L3MBTL3: variants seen among roughly 807,000 people sequenced by gnomAD.
L3MBTL3 encodes the protein lethal(3)malignant brain tumor-like protein 3.
L3MBTL3 carries 27 observed loss-of-function variants against 102.3 expected under a neutral mutation model. The ratio of observed to expected loss-of-function variants is 0.26; its 90% confidence interval spans 0.19 to 0.36. L3MBTL3 has a LOEUF of 0.36. Among genes scored for constraint, L3MBTL3 ranks in the 10% least tolerant of loss-of-function variants. The pLI, the probability that L3MBTL3 is intolerant of heterozygous loss-of-function variation, is 1.00. For missense variants in L3MBTL3, 798 were observed against 955.3 expected (o/e 0.84, Z 2.17); for synonymous variants, 340 against 320.9 (o/e 1.06, Z -0.64).
chr6:130,045,439 C>A (rs1024525804), intron 3 of L3MBTL3, among the ~76,000 whole-genome samples: 1 of 152,208 alleles, frequency 6.6e-6, no homozygotes, highest in South Asian at 2.1e-4. Flanking sequence ...GCTGAACACT[C>A]TACCTGCATC....
In L3MBTL3 at chr6:130,086,197, C is replaced by T. The variant is rs370195277; in HGVS notation, c.1465C>T (p.Pro489Ser). Reference protein sequence around the residue: ...MKLEVVDKRNPMFIRVATVAD... With the variant: ...MKLEVVDKRNSMFIRVATVAD... ...GCTTGAGGTTGTAGACAAAAGGAAC[C>T]CTATGTTTATTAGAGTAGCAACTGT... The change falls in exon 16 of 23, where the codon CCT becomes TCT. Residue 489 changes from proline (P) to serine (S), a missense_variant. Pro to Ser is a moderately conservative substitution (Grantham distance 74). Around this residue, in one of 4 missense-constraint regions of L3MBTL3, gnomAD observed 306 missense variants for 314.4 expected, o/e 0.97. Transcript: ENST00000361794. The T allele has an allele frequency of 5.5e-5, 89 of 1,613,288 alleles. No individual in the cohort carries two copies. The highest frequency in any genetic ancestry group is 7.5e-5 in the Non-Finnish European group (88 of 1,179,740).
chr6:130,084,791 C>T (rs1783575573), intron 15 of L3MBTL3, among the ~76,000 whole-genome samples: 1 of 152,146 alleles, frequency 6.6e-6, no homozygotes, highest in East Asian at 1.9e-4. Context: ...GCATTGACTG[C>T]TCTGTGTTAT....
Position 130,052,911 on chromosome 6 carries a change from A to C in L3MBTL3, c.502A>C (p.Lys168Gln). The change falls in exon 7 of 23, where the codon AAG (lysine) becomes CAG (glutamine). Residue 168 changes from lysine to glutamine, a missense_variant. Around this residue, in one of 4 missense-constraint regions of L3MBTL3, gnomAD observed 434 missense variants for 506.6 expected, o/e 0.86. Coordinates refer to ENST00000361794, the MANE Select transcript of L3MBTL3 (RefSeq NM_032438.4). ...VEEDNEEEDP[K>Q]CSRKKKPKLS... ...AGAAGACAATGAGGAAGAAGATCCT[A>C]AGTGTAGTCGGAAGAAAAAACCAAA... 1 of 1,613,984 alleles carries C rather than the reference A, an allele frequency of 6.2e-7. No homozygotes were observed. The highest frequency in any genetic ancestry group is 8.5e-7 in the Non-Finnish European group (1 of 1,179,824).
At chr6:130,020,068 A>T (rs1584257308) in intron 1 of L3MBTL3, among the ~76,000 whole-genome samples, 4 of 148,258 alleles carry the variant, frequency 2.7e-5, no homozygotes, top group African/African-American at 9.9e-5. Context: ...CTTTTCCTGC[A>T]ACTTGTTTAC....
chr6:130,076,400 G>T (rs1448738662), intron 13 of L3MBTL3, among the ~76,000 whole-genome samples: 4 of 152,022 alleles, frequency 2.6e-5, no homozygotes, highest in African/African-American at 7.2e-5. Context: ...TAACCTCTTT[G>T]ATTTCCATAA....
intron 22 of L3MBTL3, among the ~76,000 whole-genome samples, chr6:130,136,676 G>A (rs1348555022): frequency 1.3e-5 from 2 of 151,736 alleles, no homozygotes; most frequent in Non-Finnish European, 2.9e-5. Flanking sequence ...GGAGTGTAGT[G>A]GCACAATATT....
chr6:130,070,062 A>C (rs377366468), intron 12 of L3MBTL3, among the ~76,000 whole-genome samples: 14 of 152,328 alleles, frequency 9.2e-5, no homozygotes, highest in Non-Finnish European at 1.8e-4. Flanking sequence ...AGTAGTTAGA[A>C]TAATATCTGT....
Position 130,086,251 on chromosome 6 carries a change from G to T in L3MBTL3, c.1518+1G>T. On this transcript the variant is annotated splice_donor_variant, in intron 16 of 22. Coordinates refer to ENST00000361794, the MANE Select transcript of L3MBTL3 (RefSeq NM_032438.4). LOFTEE classifies it high-confidence loss of function. Reference sequence around the variant, plus strand: ...AGACACAGATGATCACCGGGTAAAAGTAAGTGTTCTGTGTGGGGGGTTGGC... The same window carrying T: ...AGACACAGATGATCACCGGGTAAAATTAAGTGTTCTGTGTGGGGGGTTGGC... The T allele has an allele frequency of 6.3e-7, 1 of 1,590,050 alleles. No individual in the cohort carries two copies. Among genetic ancestry groups the T allele is most frequent in the Non-Finnish European group, 8.6e-7 (1 of 1,161,072 alleles).
chr6:130,132,396 G>T (rs985724791), intron 20 of L3MBTL3, among the ~76,000 whole-genome samples: 6 of 152,212 alleles, frequency 3.9e-5, no homozygotes, highest in Admixed American at 6.5e-5. Context: ...CAGTCAGGGT[G>T]TTGGTTACAT....
chr6:130,053,997 G>A (rs530610036), intron 7 of L3MBTL3, among the ~76,000 whole-genome samples: 12 of 152,340 alleles, frequency 7.9e-5, no homozygotes, highest in Middle Eastern at 3.4e-3. Context: ...TAAGTGCTAC[G>A]TTGAGAATTA....
chr6:130,052,214 C>T (rs977421942), intron 6 of L3MBTL3, among the ~76,000 whole-genome samples: 2 of 151,926 alleles, frequency 1.3e-5, no homozygotes, highest in African/African-American at 2.4e-5. Context: ...TCAAGCAATT[C>T]ACCTGCCTCA....
intron 20 of L3MBTL3, among the ~76,000 whole-genome samples, chr6:130,127,842 G>T (rs967127403): frequency 1.3e-5 from 2 of 151,934 alleles, no homozygotes; most frequent in Admixed American, 1.3e-4. Flanking sequence ...AATACCTGCT[G>T]CTAGTTTATA....
At chr6:130,081,201 A>G (rs567821355) in intron 14 of L3MBTL3, among the ~76,000 whole-genome samples, 26 of 152,348 alleles carry the variant, frequency 1.7e-4, no homozygotes, top group Non-Finnish European at 2.8e-4. Context: ...TTTTAAGTTT[A>G]GAGTGAACTG....
chr6:130,074,145 AT>A (rs1422828542), intron 13 of L3MBTL3, among the ~76,000 whole-genome samples: 1 of 152,124 alleles, frequency 6.6e-6, no homozygotes, highest in Non-Finnish European at 1.5e-5. Context: ...GAAATGAGAT[AT>A]TTTTTGCTTT....
chr6:130,089,253 T>A (rs1207789030), intron 16 of L3MBTL3, among the ~76,000 whole-genome samples: 1 of 150,608 alleles, frequency 6.6e-6, no homozygotes, highest in Non-Finnish European at 1.5e-5. Flanking sequence ...TGTGTGATGT[T>A]CCCCGCCCTG....
chr6:130,121,835 C>G (rs1399338763), intron 20 of L3MBTL3, among the ~76,000 whole-genome samples: 1 of 152,120 alleles, frequency 6.6e-6, no homozygotes, highest in African/African-American at 2.4e-5. Flanking sequence ...CACCTGAGGT[C>G]AGGAGTTTGA....
rs1489661258 is a variant in L3MBTL3 at position 130,059,182 on chromosome 6, T to C, written c.760-854T>C. On this transcript the variant is annotated intron_variant, in intron 9 of 22. Coordinates refer to ENST00000361794, the MANE Select transcript of L3MBTL3 (RefSeq NM_032438.4). Reference sequence around the variant, plus strand: ...GTATAAAGAATGTCTCTTATAGCCCTGCCCCCCCAGGCACCAGATTTGCCT... The same window carrying C: ...GTATAAAGAATGTCTCTTATAGCCCCGCCCCCCCAGGCACCAGATTTGCCT... Among the ~76,000 whole-genome samples the C allele has an allele frequency of 2.0e-5, 3 of 152,328 alleles. No individual in the cohort carries two copies. The East Asian group carries it at 5.8e-4, about 29-fold the overall frequency.
chr6:130,110,105 G>C (rs1785256983), intron 19 of L3MBTL3, among the ~76,000 whole-genome samples: 1 of 152,164 alleles, frequency 6.6e-6, no homozygotes, highest in Admixed American at 6.5e-5. Context: ...CCGTAGCCTT[G>C]TAGTATAGTT....
chr6:130,094,060 A>G (rs1419131647), intron 17 of L3MBTL3, among the ~76,000 whole-genome samples: 1 of 152,238 alleles, frequency 6.6e-6, no homozygotes, highest in Non-Finnish European at 1.5e-5. Context: ...TAGTGTGAAT[A>G]GTCATAAGGA....
Sources: allele counts gnomAD v4.1 joint callset (sites outside exome capture counted in the v4.1 genomes callset), GRCh38; gene constraint gnomAD v4.1.1; regional missense constraint gnomAD v4.1.1; transcripts MANE v1.5; gene names NCBI Gene and HGNC (gene_info 2026-07-23, HGNC 2026-07-21).